The following LARP4B variants were observed in gnomAD, a reference collection of about 807,000 sequenced individuals.
The protein encoded by LARP4B is la-related protein 4B.
A neutral mutation model predicts 89.8 loss-of-function variants in LARP4B; 12 were observed. The ratio of observed to expected loss-of-function variants is 0.13; its 90% CI spans 0.09 to 0.22. The LOEUF is 0.22. Ranked by LOEUF, LARP4B falls within the 10% of genes least tolerant of loss-of-function variation. The pLI, the probability that LARP4B is intolerant of heterozygous loss-of-function variation, is 1.00. For synonymous variants in LARP4B, 367 were observed against 363.3 expected (o/e 1.01, Z -0.12); for missense variants, 757 against 947.7 (o/e 0.80, Z 2.64).
rs547831151 is a variant in LARP4B, at chr10:888,337, CA to C, written c.-39-2578del. On this transcript the variant is annotated intron_variant, in intron 1 of 17. Coordinates refer to ENST00000316157, the MANE Select transcript of LARP4B (RefSeq NM_015155.3). ...ACTGTCTCAAAAACAAACAAACAAA[CA>C]AAAAAAAAAAAACACACACACACAC... 8.4e-3 allele frequency among the ~76,000 whole-genome samples: 1,041 copies of C among 123,794 alleles called. 16 individuals are homozygous for C. The highest frequency in any genetic ancestry group is 0.028 in the African/African-American group (919 of 32,410). The allele number at this position is 123,794 out of a possible 152,430, so 81.2% of individuals were successfully genotyped here.
intron 8 of LARP4B, among the ~76,000 whole-genome samples, chr10:832,682 G>A (rs1588877537): frequency 6.6e-6 from 1 of 151,952 alleles, no homozygotes; most frequent in Middle Eastern, 3.4e-3. Context: ...CAGAAAGGGA[G>A]GAAAAAACCC....
rs191092072 is a variant in LARP4B, at chr10:864,728, C to T, written c.142-458G>A. Among the ~76,000 whole-genome samples, 113 of 152,258 alleles carry T rather than the reference C, an allele frequency of 7.4e-4. 1 individual carries two copies. Among genetic ancestry groups the T allele is most frequent in the Admixed American group, 1.7e-3 (26 of 15,302 alleles). ...CAGCACTTTGGGAGGCCAAGGCGGGCGGATCACCTGAGGCCAGGAGTTCAT... is the reference window on the plus strand; with the variant it reads ...CAGCACTTTGGGAGGCCAAGGCGGGTGGATCACCTGAGGCCAGGAGTTCAT... On this transcript the variant is annotated intron_variant, in intron 3 of 17. Transcript: ENST00000316157.
At chr10:981,312 A>G in the LARP4B span, among the ~76,000 whole-genome samples, 4 of 152,190 alleles carry the variant, frequency 2.6e-5, no homozygotes, top group Non-Finnish European at 5.9e-5. Flanking sequence ...TGAGCCCTCC[A>G]AAGTCTTCCA....
the LARP4B span, among the ~76,000 whole-genome samples, chr10:937,022 T>C: frequency 6.6e-6 from 1 of 152,142 alleles, no homozygotes; most frequent in African/African-American, 2.4e-5. Flanking sequence ...AAAATGCTGA[T>C]TAATATATGA....
chr10:823,844 G>T (rs1588859655), intron 13 of LARP4B, among the ~76,000 whole-genome samples: 1 of 152,148 alleles, frequency 6.6e-6, no homozygotes, highest in East Asian at 1.9e-4. Context: ...TCCAAGGCCT[G>T]TTGAGCCAAC....
chr10:949,991 G>A, the LARP4B span, among the ~76,000 whole-genome samples: 51 of 152,166 alleles, frequency 3.4e-4, no homozygotes, highest in Admixed American at 3.0e-3. Flanking sequence ...GCCCACGCTG[G>A]TCTTGACCTC....
At position 825,706 on chromosome 10, in the gene LARP4B, A is replaced by G; in HGVS notation, c.1232+58T>C. 4 of 1,157,552 alleles carry G rather than the reference A, an allele frequency of 3.5e-6. No homozygotes were observed. In the Admixed American group the frequency reaches 7.7e-5, roughly 22 times the overall value. The allele number at this position is 1,157,552 out of a possible 1,614,324, so 71.7% of individuals were successfully genotyped here. A position where few individuals can be genotyped will look rare whatever the true frequency, so the allele number is the denominator to read the frequency against. On this transcript the variant is annotated intron_variant, in intron 12 of 17. Coordinates refer to ENST00000316157, the MANE Select transcript of LARP4B (RefSeq NM_015155.3). The stretch of plus-strand genomic sequence containing the variant: ...CTAGTGATCAAAGCTCTCTCATCCC[A>G]ACTCCGGAAGGGCAGTAGCGTAAAG...
rs777257165 is a variant in LARP4B at position 865,197 on chromosome 10, G to A, written c.142-927C>T. 6.6e-5 allele frequency among the ~76,000 whole-genome samples: 10 copies of A among 152,178 alleles called. No homozygotes were observed. The South Asian group carries it at 1.0e-3, about 16-fold the overall frequency. Reference sequence around the variant, plus strand: ...AAAATCCACAGGTGACCATGAAGCTGCTAGTCCAGTGTTCTGGACAACGGA... The same window carrying A: ...AAAATCCACAGGTGACCATGAAGCTACTAGTCCAGTGTTCTGGACAACGGA... On this transcript the variant is annotated intron_variant, in intron 3 of 17. Coordinates refer to ENST00000316157, the MANE Select transcript of LARP4B (RefSeq NM_015155.3).
In LARP4B at chr10:885,623, C is replaced by T. The variant is rs917128173; in HGVS notation, c.81+18G>A. Reference sequence around the variant, plus strand: ...AAAAAGCAATGGACTCCCCACCACCCCATTCGACAGCACCCACCAGATGAG... The same window carrying T: ...AAAAAGCAATGGACTCCCCACCACCTCATTCGACAGCACCCACCAGATGAG... On this transcript the variant is annotated intron_variant, in intron 2 of 17. Transcript: ENST00000316157. The T allele has an allele frequency of 3.1e-6, 5 of 1,604,402 alleles. No individual in the cohort carries two copies. The highest frequency in any genetic ancestry group is 2.2e-5 in the South Asian group (2 of 90,280).
chr10:857,780 G>C (rs1002134038), intron 5 of LARP4B, among the ~76,000 whole-genome samples: 41 of 152,126 alleles, frequency 2.7e-4, no homozygotes, highest in African/African-American at 9.4e-4. Context: ...AGGTATCTTT[G>C]GAATTGCTTC....
intron 1 of LARP4B, among the ~76,000 whole-genome samples, chr10:898,965 T>C (rs1185911673): frequency 6.6e-6 from 1 of 152,232 alleles, no homozygotes; most frequent in African/African-American, 2.4e-5. Context: ...GAATGTCACA[T>C]CGTAACATGA....
In LARP4B at chr10:814,903, A is replaced by G. The variant is rs2131595085; in HGVS notation, c.1820+43T>C. On this transcript the variant is annotated intron_variant, in intron 16 of 17. Coordinates refer to ENST00000316157, the MANE Select transcript of LARP4B (RefSeq NM_015155.3). This position sits in a 1 kb window ranked among gnomAD's most constrained non-coding sequence, Gnocchi z 4.4. Reference sequence around the variant, plus strand: ...TCTCATGCAACATCACAGGCCATTCAAGTCAGTCAACACCAAGGCGCTGGA... The same window carrying G: ...TCTCATGCAACATCACAGGCCATTCGAGTCAGTCAACACCAAGGCGCTGGA... 1 of 1,577,832 alleles carries G rather than the reference A, an allele frequency of 6.3e-7. No individual in the cohort carries two copies. Among genetic ancestry groups the G allele is most frequent in the Middle Eastern group, 1.7e-4 (1 of 5,902 alleles).
At chr10:829,812 C>G (rs1832805791) in intron 9 of LARP4B, 78 bp from the exon 10 acceptor site, 1 of 923,012 alleles carries the variant, frequency 1.1e-6, no homozygotes, top group Non-Finnish European at 1.8e-6. Context: ...CTCAATAGCT[C>G]AAATAGGGAA....
At chr10:906,755 ATC>A (rs1836503610) in intron 1 of LARP4B, among the ~76,000 whole-genome samples, 1 of 152,180 alleles carries the variant, frequency 6.6e-6, no homozygotes, top group African/African-American at 2.4e-5. Context: ...CTGATAACCA[ATC>A]TCTCTTATTG....
chr10:941,716 C>T, the LARP4B span, among the ~76,000 whole-genome samples: 4 of 152,100 alleles, frequency 2.6e-5, no homozygotes, highest in Non-Finnish European at 5.9e-5. Flanking sequence ...TTTTGTTGTG[C>T]TATATTGTTA....
chr10:832,550 C>G (rs1246859955), intron 8 of LARP4B, among the ~76,000 whole-genome samples: 2 of 152,134 alleles, frequency 1.3e-5, no homozygotes, highest in African/African-American at 4.8e-5. Flanking sequence ...ATATTGCAAT[C>G]AACTTGCTTA....
rs1034969974 is a variant in LARP4B at position 812,523 on chromosome 10, A to G, written c.*403T>C. On this transcript the variant is annotated 3_prime_UTR_variant, in exon 18 of 18. Transcript: ENST00000316157. The stretch of plus-strand genomic sequence containing the variant: ...CTGCGGGGACGTTCTAGAGATATGC[A>G]CTTACAGACCAGTTACTTAAAAAAA... The G allele has an allele frequency of 2.0e-5, 3 of 150,198 alleles. No individual in the cohort carries two copies. Among genetic ancestry groups the G allele is most frequent in the African/African-American group, 7.4e-5 (3 of 40,658 alleles). The allele number at this position is 150,198 out of a possible 1,614,324, so 9.3% of individuals were successfully genotyped here.
At chr10:933,647 A>G (rs141235497), upstream of LARP4B, among the ~76,000 whole-genome samples, 3 of 152,324 alleles carry the variant, frequency 2.0e-5, no homozygotes. Flanking sequence ...AAAAGCATGT[A>G]CATATTTCAG....
intron 14 of LARP4B, chr10:818,196 A>G (rs1334499010): frequency 7.9e-6 from 2 of 254,662 alleles, no homozygotes; most frequent in East Asian, 7.8e-5. Flanking sequence ...GGGCAGCTGA[A>G]GGCAAGGGAG....
Sources: gnomAD v4.1 joint callset for allele counts (sites outside exome capture counted in the v4.1 genomes callset) on GRCh38, gnomAD v4.1.1 for gene constraint, Gnocchi (gnomAD v3.1) non-coding constraint, MANE v1.5 for transcripts, NCBI Gene and HGNC (gene_info 2026-07-23, HGNC 2026-07-21) for gene names.